Variants in SLC44A4 observed in about 807,000 individuals in gnomAD.
The protein encoded by SLC44A4 is choline transporter-like protein 4.
SLC44A4 carries 74 observed loss-of-function variants against 97.0 expected under a neutral mutation model. The ratio of observed to expected loss-of-function variants is 0.76; its 90% confidence interval spans 0.63 to 0.93. SLC44A4 has a LOEUF of 0.93. Among genes scored for constraint, SLC44A4 ranks in the 40% least tolerant of loss-of-function variants. The probability of loss-of-function intolerance (pLI) is 0.00; values close to 1 mark genes in which losing one functional copy is unlikely to be tolerated. For synonymous variants in SLC44A4, 325 were observed against 363.8 expected, an observed-to-expected ratio of 0.89 and a Z score of 1.21; for missense variants, 799 against 902.9, an observed-to-expected ratio of 0.88 and a Z score of 1.48.
Position 31,874,826 on chromosome 6 carries a change from C to G in SLC44A4, c.363G>C (p.Pro121=), listed in dbSNP as rs376902960. 2 of 1,612,876 alleles carry G rather than the reference C, an allele frequency of 1.2e-6. No individual in the cohort carries two copies. Among genetic ancestry groups the G allele is most frequent in the Non-Finnish European group, 1.7e-6 (2 of 1,179,486 alleles). The change falls in exon 6 of 21, where the codon CCG becomes CCC. Residue 121 remains proline, a synonymous_variant. Transcript: ENST00000229729. The surrounding 1 kb of genome is among the most constrained non-coding windows in gnomAD (Gnocchi z 4.8). The stretch of plus-strand genomic sequence containing the variant: ...TTTTTCCCACAGTCCATGGGTCCTC[C>G]GGGCAGGAGGACACACACACCTGGG... ...PTPQVCVSSC[P]EDPWTVGKNE...
chr6:31,876,987 T>A lies in SLC44A4; in HGVS notation c.89+47A>T. 6.4e-7 allele frequency: 1 copy of A among 1,564,588 alleles called. No homozygotes were observed. The highest frequency in any genetic ancestry group is 8.7e-7 in the Non-Finnish European group (1 of 1,149,174). On this transcript the variant is annotated intron_variant, in intron 2 of 20. Coordinates refer to ENST00000229729, the MANE Select transcript of SLC44A4 (RefSeq NM_025257.3). The surrounding 1 kb of genome is among the most constrained non-coding windows in gnomAD (Gnocchi z 4.8). ...ACAAAGCAAATACTGGATTCCACACTGCACCCACCACCCCCGCCAGCCCCC... is the reference window on the plus strand; with the variant it reads ...ACAAAGCAAATACTGGATTCCACACAGCACCCACCACCCCCGCCAGCCCCC...
rs1407730756 is a variant in SLC44A4 at position 31,865,932 on chromosome 6, G to A, written c.1428C>T (p.Phe476=). The change falls in exon 14 of 21, where the codon TTC becomes TTT. Residue 476 remains phenylalanine, a synonymous_variant. Coordinates refer to ENST00000229729, the MANE Select transcript of SLC44A4 (RefSeq NM_025257.3). This position sits in a 1 kb window ranked among gnomAD's most constrained non-coding sequence, Gnocchi z 5.2. The part of the protein sequence containing the change: ...AGAFASFYWA[F]HKPQDIPTFP... ...AGGTAGGGATGTCCTGGGGCTTGTG[G>A]AAGGCCCAGTAGAAGGAGGCAAAGG... The A allele has an allele frequency of 6.2e-7, 1 of 1,614,210 alleles. No homozygotes were observed.
Position 31,877,477 on chromosome 6 carries a change from TA to T in SLC44A4, c.41-396del. ...CTCATTCTCATCCCTGCCTCCTCCC[TA>T]ATCCCTCCCCAGGGACCACACAGAC... On this transcript the variant is annotated intron_variant, in intron 1 of 20. Coordinates refer to ENST00000229729, the MANE Select transcript of SLC44A4 (RefSeq NM_025257.3). This position sits in a 1 kb window ranked among gnomAD's most constrained non-coding sequence, Gnocchi z 6.5. 2.1e-6 allele frequency: 1 copy of T among 483,044 alleles called. No homozygotes were observed. Among genetic ancestry groups the T allele is most frequent in the South Asian group, 6.5e-5 (1 of 15,350 alleles). The allele number at this position is 483,044 out of a possible 1,614,324, so 29.9% of individuals were successfully genotyped here. A position where few individuals can be genotyped will look rare whatever the true frequency, so the allele number is the denominator to read the frequency against.
At position 31,871,315 on chromosome 6, in the gene SLC44A4, C is replaced by A. The variant is rs936977075; in HGVS notation, c.700G>T (p.Val234Phe). Residue 234 changes from valine to phenylalanine, a missense_variant and splice_region_variant, in exon 9 of 21, where the codon GTT becomes TTT. Coordinates refer to ENST00000229729, the MANE Select transcript of SLC44A4 (RefSeq NM_025257.3). ...GAGGAGGGGAATCTGGTGACTCACA[C>A]AAGAATCCAATACCAGGACTGGGCA... ...DFAQSWYWIL[V>F]ALGVALVLSL... The A allele has an allele frequency of 6.8e-6, 11 of 1,613,836 alleles. No individual in the cohort carries two copies. In the African/African-American group the frequency reaches 1.3e-4, roughly 20 times the overall value.
chr6:31,869,475 G>T, intron 12 of SLC44A4, 70 bp downstream of exon 12: 2 of 1,331,524 alleles, frequency 1.5e-6, no homozygotes, highest in Non-Finnish European at 2.1e-6. Flanking sequence ...ACTCTACAGG[G>T]CAAGTATTGC....
chr6:31,865,287 C>A lies in SLC44A4; in HGVS notation c.1760+28G>T. 1 of 1,613,380 alleles carries A rather than the reference C, an allele frequency of 6.2e-7. No individual in the cohort carries two copies. Among genetic ancestry groups the A allele is most frequent in the Non-Finnish European group, 8.5e-7 (1 of 1,179,560 alleles). On this transcript the variant is annotated intron_variant, in intron 17 of 20. Coordinates refer to ENST00000229729, the MANE Select transcript of SLC44A4 (RefSeq NM_025257.3). The surrounding 1 kb of genome is among the most constrained non-coding windows in gnomAD (Gnocchi z 5.2). ...TTGGGTGGGAGATCAGAGGAGGGAG[C>A]CACAAAGCGGGGGGGGAGCAGCCTA...
chr6:31,871,248 C>T (rs980594543), intron 9 of SLC44A4, 66 bp downstream of exon 9: 25 of 1,493,552 alleles, frequency 1.7e-5, no homozygotes, highest in Middle Eastern at 1.7e-4. Context: ...AGACATTGGG[C>T]GAGGGGGTAG....
At position 31,865,926 on chromosome 6, in the gene SLC44A4, C is replaced by T. The variant is rs1192073119; in HGVS notation, c.1434G>A (p.Lys478=). 1 of 1,614,156 alleles carries T rather than the reference C, an allele frequency of 6.2e-7. No individual in the cohort carries two copies. The highest frequency in any genetic ancestry group is 1.3e-5 in the African/African-American group (1 of 75,020). The part of the protein sequence containing the change: ...AFASFYWAFH[K]PQDIPTFPLI... Reference sequence around the variant, plus strand: ...AGGGGAAGGTAGGGATGTCCTGGGGCTTGTGGAAGGCCCAGTAGAAGGAGG... The same window carrying T: ...AGGGGAAGGTAGGGATGTCCTGGGGTTTGTGGAAGGCCCAGTAGAAGGAGG... Residue 478 remains lysine, a synonymous_variant, in exon 14 of 21, where the codon AAG becomes AAA. Transcript: ENST00000229729. The surrounding 1 kb of genome is among the most constrained non-coding windows in gnomAD (Gnocchi z 5.2).
In SLC44A4 at chr6:31,876,023, C is replaced by T. The variant is rs768554687; in HGVS notation, c.163+33G>A. Reference sequence around the variant, plus strand: ...CCTCCCTGGGTTCCTGTCCCTCACCCACTGCCCTGGCTCTGAGCAGCTGGA... The same window carrying T: ...CCTCCCTGGGTTCCTGTCCCTCACCTACTGCCCTGGCTCTGAGCAGCTGGA... On this transcript the variant is annotated intron_variant, in intron 3 of 20. Coordinates refer to ENST00000229729, the MANE Select transcript of SLC44A4 (RefSeq NM_025257.3). This position sits in a 1 kb window ranked among gnomAD's most constrained non-coding sequence, Gnocchi z 4.8. 2.5e-6 allele frequency: 4 copies of T among 1,613,504 alleles called. No individual in the cohort carries two copies. The highest frequency in any genetic ancestry group is 3.4e-6 in the Non-Finnish European group (4 of 1,179,450).
chr6:31,870,753 G>A lies in SLC44A4; in HGVS notation c.938-51C>T. 2 of 1,611,746 alleles carry A rather than the reference G, an allele frequency of 1.2e-6. 1 individual carries two copies. The highest frequency in any genetic ancestry group is 1.7e-6 in the Non-Finnish European group (2 of 1,179,106). ...TAGGTCAGGGCCAGGGCTGGGGCCG[G>A]GCATGGCCCAGGGCGGTCCTTGGGC... On this transcript the variant is annotated intron_variant, in intron 10 of 20. Coordinates refer to ENST00000229729, the MANE Select transcript of SLC44A4 (RefSeq NM_025257.3).
At chr6:31,871,228 C>A in intron 9 of SLC44A4, 86 bp downstream of exon 9, 1 of 1,409,006 alleles carries the variant, frequency 7.1e-7, no homozygotes. Context: ...CTGTCCAAAG[C>A]CTGTGTTTCA....
rs756847878 is a variant in SLC44A4 at position 31,875,913 on chromosome 6, G to C, written c.181C>G (p.Pro61Ala). 3.1e-6 allele frequency: 5 copies of C among 1,613,598 alleles called. No homozygotes were observed. The highest frequency in any genetic ancestry group is 4.2e-6 in the Non-Finnish European group (5 of 1,179,904). The stretch of plus-strand genomic sequence containing the variant: ...TTCCTGGGGTAGAGGACTTGCCGGG[G>C]GTCTCCATACAACCAGGCTGCAGAC... ...VGIVAWLYGD[P>A]RQVLYPRNST... Residue 61 changes from proline (P) to alanine (A), a missense_variant, in exon 4 of 21, where the codon CCC becomes GCC. Pro to Ala is a conservative substitution (Grantham distance 27, BLOSUM62 -1). Around this residue, in one of 3 missense-constraint regions of SLC44A4, gnomAD observed 409 missense variants for 434.1 expected, o/e 0.94. Transcript: ENST00000229729.
intron 12 of SLC44A4, 36 bp downstream of exon 12, chr6:31,869,509 A>G (rs1425087050): frequency 1.3e-6 from 2 of 1,529,500 alleles, no homozygotes; most frequent in East Asian, 4.6e-5. Context: ...ACCCCCCAGG[A>G]CTCCAAGAGT....
At position 31,876,852 on chromosome 6, in the gene SLC44A4, C is replaced by A. The variant is rs1763471110; in HGVS notation, c.89+182G>T. Among the ~76,000 whole-genome samples the A allele has an allele frequency of 6.6e-6, 1 of 152,198 alleles. No homozygotes were observed. The highest frequency in any genetic ancestry group is 1.5e-5 in the Non-Finnish European group (1 of 68,034). On this transcript the variant is annotated intron_variant, in intron 2 of 20. Coordinates refer to ENST00000229729, the MANE Select transcript of SLC44A4 (RefSeq NM_025257.3). The surrounding 1 kb of genome is among the most constrained non-coding windows in gnomAD (Gnocchi z 4.8). ...CAAGAAACAGAACATCCCCCCAGAA[C>A]TGGGAAGCCCTCGATGCCTGCTCCA...
At chr6:31,863,915 T>C (rs1196229195) in intron 20 of SLC44A4, among the ~76,000 whole-genome samples, 167 bp from the exon 21 acceptor site, 1 of 152,050 alleles carries the variant, frequency 6.6e-6, no homozygotes, top group Non-Finnish European at 1.5e-5. Context: ...GGGAATATTA[T>C]GTTGCATAGA....
chr6:31,874,366 A>C lies in SLC44A4; in HGVS notation c.529+94T>G. 2.9e-6 allele frequency: 4 copies of C among 1,393,962 alleles called. No individual in the cohort carries two copies. Among genetic ancestry groups the C allele is most frequent in the Non-Finnish European group, 4.0e-6 (4 of 988,974 alleles). 86.3% of individuals were successfully genotyped at this position (1,393,962 alleles called of 1,614,324 possible). On this transcript the variant is annotated intron_variant, in intron 7 of 20. Coordinates refer to ENST00000229729, the MANE Select transcript of SLC44A4 (RefSeq NM_025257.3). This position sits in a 1 kb window ranked among gnomAD's most constrained non-coding sequence, Gnocchi z 4.8. ...ATTCCAATTTTGCCACCAACAAGCT[A>C]TGTGACTTCACTCTCTCTGGGCCTG...
At chr6:31,866,527 T>G (rs1762881842) in intron 13 of SLC44A4, among the ~76,000 whole-genome samples, 1 of 152,204 alleles carries the variant, frequency 6.6e-6, no homozygotes, top group Non-Finnish European at 1.5e-5. Flanking sequence ...TCTTATCTGT[T>G]GAGATCCATC....
rs570327621 is a variant in SLC44A4 at position 31,874,072 on chromosome 6, G to A, written c.529+388C>T. ...GGGGGTTGCAGTGAGCCGAGATCAC[G>A]CCACTGCACTCCAGCCTGGGCAACA... On this transcript the variant is annotated intron_variant, in intron 7 of 20. Transcript: ENST00000229729. The surrounding 1 kb of genome is among the most constrained non-coding windows in gnomAD (Gnocchi z 4.8). 6.6e-6 allele frequency among the ~76,000 whole-genome samples: 1 copy of A among 151,926 alleles called. No homozygotes were observed. The highest frequency in any genetic ancestry group is 6.6e-5 in the Admixed American group (1 of 15,252).
In SLC44A4 at chr6:31,874,298, T is replaced by G. The variant is rs1763325852; in HGVS notation, c.529+162A>C. On this transcript the variant is annotated intron_variant, in intron 7 of 20. Transcript: ENST00000229729. This position sits in a 1 kb window ranked among gnomAD's most constrained non-coding sequence, Gnocchi z 4.8. Reference sequence around the variant, plus strand: ...GTCCCCAAAACACTGATGGTCTGACTGCAAGGCCACATAACAAAGAGCAAA... The same window carrying G: ...GTCCCCAAAACACTGATGGTCTGACGGCAAGGCCACATAACAAAGAGCAAA... 6.6e-6 allele frequency among the ~76,000 whole-genome samples: 1 copy of G among 152,198 alleles called. No individual in the cohort carries two copies. Among genetic ancestry groups the G allele is most frequent in the South Asian group, 2.1e-4 (1 of 4,828 alleles).
Sources: allele counts gnomAD v4.1 joint callset (sites outside exome capture counted in the v4.1 genomes callset), GRCh38; gene constraint gnomAD v4.1.1; regional missense constraint gnomAD v4.1.1; non-coding constraint Gnocchi (gnomAD v3.1); transcripts MANE v1.5; gene names NCBI Gene and HGNC (gene_info 2026-07-23, HGNC 2026-07-21).